The following SMKR1 variants were observed in gnomAD, a reference collection of about 807,000 sequenced individuals.
SMKR1 encodes small lysine rich protein 1.
A neutral mutation model predicts 4.0 loss-of-function variants in SMKR1; 4 were observed. The observed-to-expected ratio is 1.00, with a 90% confidence interval of 0.49 to 2.30. The LOEUF (loss-of-function observed/expected upper bound fraction) is 2.30, where lower values mean the gene tolerates loss of function less well. SMKR1 is among the 30% of genes most tolerant of loss of function. SMKR1 has a pLI of 0.02. For missense variants in SMKR1, 56 were observed against 81.8 expected (o/e 0.68, Z 1.22); for synonymous variants, 38 against 32.5 (o/e 1.17, Z -0.58).
intron 1 of SMKR1, among the ~76,000 whole-genome samples, chr7:129,511,099 C>T (rs1038713819): frequency 4.6e-5 from 7 of 152,172 alleles, no homozygotes; most frequent in African/African-American, 7.2e-5. Context: ...CGTGAGCCAC[C>T]GCGCCCAGCC....
intron 1 of SMKR1, among the ~76,000 whole-genome samples, chr7:129,509,080 C>T (rs1248458): frequency 9.2e-5 from 14 of 151,818 alleles, no homozygotes; most frequent in Admixed American, 5.3e-4. Context: ...TTTGGGAGGC[C>T]GAGGCAGGCA....
intron 1 of SMKR1, among the ~76,000 whole-genome samples, chr7:129,506,401 C>T (rs1157410033): frequency 2.0e-5 from 3 of 152,148 alleles, no homozygotes; most frequent in African/African-American, 7.2e-5. Flanking sequence ...ATGATCGTGC[C>T]ACTGTACTCC....
chr7:129,508,215 G>A (rs1799489463), intron 1 of SMKR1, among the ~76,000 whole-genome samples: 1 of 151,894 alleles, frequency 6.6e-6, no homozygotes, highest in South Asian at 2.1e-4. Context: ...TCATTTTTTT[G>A]TAAATGGATA....
intron 1 of SMKR1, among the ~76,000 whole-genome samples, chr7:129,508,644 G>A (rs1166875587): frequency 6.6e-6 from 1 of 152,076 alleles, no homozygotes; most frequent in African/African-American, 2.4e-5. Flanking sequence ...GGGTTTCACT[G>A]TAGTGGCCAG....
chr7:129,512,303 G>C lies in SMKR1; in HGVS notation c.60G>C (p.Lys20Asn). ...GQGKSHGKKQ[K>N]KPEVDILSPA... The stretch of plus-strand genomic sequence containing the variant: ...GCAAGTCTCATGGGAAGAAACAGAA[G>C]AAACCAGAAGTGGACATTCTCAGCC... The change falls in exon 2 of 2, where the codon AAG becomes AAC. Residue 20 changes from lysine to asparagine, a missense_variant. Lys to Asn is a moderately conservative substitution (Grantham distance 94, BLOSUM62 0). Coordinates refer to ENST00000462322, the MANE Select transcript of SMKR1 (RefSeq NM_001195243.2). 6.5e-7 allele frequency: 1 copy of C among 1,535,208 alleles called. No homozygotes were observed. Among genetic ancestry groups the C allele is most frequent in the East Asian group, 2.4e-5 (1 of 40,820 alleles).
intron 1 of SMKR1, among the ~76,000 whole-genome samples, chr7:129,503,407 C>A (rs1799431535): frequency 1.3e-5 from 2 of 152,364 alleles, no homozygotes; most frequent in South Asian, 4.1e-4. Flanking sequence ...AAGTACTGCA[C>A]GCTTGAGCTG....
intron 1 of SMKR1, among the ~76,000 whole-genome samples, chr7:129,503,547 C>T (rs1166032395): frequency 6.6e-6 from 1 of 152,220 alleles, no homozygotes; most frequent in African/African-American, 2.4e-5. Flanking sequence ...CTTCTGGAAG[C>T]CCCTTGCGCC....
chr7:129,510,377 A>G lies in SMKR1; in HGVS notation c.4-1870A>G, dbSNP rs185839725. Among the ~76,000 whole-genome samples, 47 of 152,282 alleles carry G rather than the reference A, an allele frequency of 3.1e-4. 1 individual carries two copies. The East Asian group carries it at 7.5e-3, about 24-fold the overall frequency. ...CTGGGTAGCCTAACTGAGCCCCTAC[A>G]TTTCCATTTTGAAGGCAGGAATAAT... On this transcript the variant is annotated intron_variant, in intron 1 of 1. Coordinates refer to ENST00000462322, the MANE Select transcript of SMKR1 (RefSeq NM_001195243.2).
chr7:129,509,548 G>GT (rs558982973), intron 1 of SMKR1, among the ~76,000 whole-genome samples: 384 of 145,154 alleles, frequency 2.6e-3, no homozygotes, highest in Middle Eastern at 3.6e-3. Context: ...TATTTCAGCA[G>GT]TTTTTTTTTT....
intron 1 of SMKR1, among the ~76,000 whole-genome samples, chr7:129,508,187 G>A (rs1799489192): frequency 6.6e-6 from 1 of 152,100 alleles, no homozygotes. Flanking sequence ...TATATATGGT[G>A]AGACTATGGG....
chr7:129,509,096 C>T (rs1384937212), intron 1 of SMKR1, among the ~76,000 whole-genome samples: 3 of 152,072 alleles, frequency 2.0e-5, no homozygotes, highest in African/African-American at 4.8e-5. Context: ...AGGCAGATCA[C>T]GAGGTCAGGA....
At position 129,502,799 on chromosome 7, in the gene SMKR1, G is replaced by T; in HGVS notation, c.-26G>T. On this transcript the variant is annotated 5_prime_UTR_variant, in exon 1 of 2. Coordinates refer to ENST00000462322, the MANE Select transcript of SMKR1 (RefSeq NM_001195243.2). ...CTTCGGGATCGGGAGAGTCCACCAC[G>T]CCTGCCTGCTCGGCTGAGAATCGCC... is the stretch of plus-strand genomic sequence containing the variant. The T allele has an allele frequency of 6.5e-7, 1 of 1,535,106 alleles. No individual in the cohort carries two copies. The highest frequency in any genetic ancestry group is 2.4e-5 in the East Asian group (1 of 40,870).
intron 1 of SMKR1, among the ~76,000 whole-genome samples, chr7:129,507,413 G>A (rs562049627): frequency 6.6e-6 from 1 of 152,204 alleles, no homozygotes; most frequent in African/African-American, 2.4e-5. Flanking sequence ...GCCTCCCAAA[G>A]TGCTGAGATG....
rs1584987619 is a variant in SMKR1 at position 129,512,597 on chromosome 7, A to C, written c.*156A>C. The C allele has an allele frequency of 1.3e-6, 1 of 784,422 alleles. No homozygotes were observed. Among genetic ancestry groups the C allele is most frequent in the South Asian group, 2.1e-5 (1 of 47,994 alleles). 48.6% of individuals were successfully genotyped at this position (784,422 alleles called of 1,614,324 possible). A position where few individuals can be genotyped will look rare whatever the true frequency, so the allele number is the denominator to read the frequency against. ...GTGATGGTGGAAGATCAGGAAATGC[A>C]CCTTACTTCCTCTGTTATGCCAGAT... is the stretch of plus-strand genomic sequence containing the variant. On this transcript the variant is annotated 3_prime_UTR_variant, in exon 2 of 2. Transcript: ENST00000462322.
chr7:129,510,300 A>G (rs1017868703), intron 1 of SMKR1, among the ~76,000 whole-genome samples: 1 of 152,256 alleles, frequency 6.6e-6, no homozygotes, highest in Admixed American at 6.5e-5. Context: ...CTTATGGGGT[A>G]GTCATGGAAA....
intron 1 of SMKR1, among the ~76,000 whole-genome samples, chr7:129,504,556 G>T (rs1017279147): frequency 2.7e-5 from 4 of 150,466 alleles, no homozygotes; most frequent in South Asian, 2.1e-4. Flanking sequence ...CTTTGTTTTT[G>T]TTTTTTTTTT....
At chr7:129,509,980 C>G (rs745532254) in intron 1 of SMKR1, among the ~76,000 whole-genome samples, 5 of 152,180 alleles carry the variant, frequency 3.3e-5, no homozygotes, top group Non-Finnish European at 7.3e-5. Flanking sequence ...ATACCTTCCT[C>G]TCCTCTCCCT....
Position 129,512,650 on chromosome 7 carries a change from G to A in SMKR1, c.*209G>A. On this transcript the variant is annotated 3_prime_UTR_variant, in exon 2 of 2. Coordinates refer to ENST00000462322, the MANE Select transcript of SMKR1 (RefSeq NM_001195243.2). ...GGTTAGCCACTTTGGTTTTTTAGGA[G>A]CTATAGGATGGGAAAAGCCTGAGTA... is the stretch of plus-strand genomic sequence containing the variant. 1 of 518,040 alleles carries A rather than the reference G, an allele frequency of 1.9e-6. No homozygotes were observed. Among genetic ancestry groups the A allele is most frequent in the South Asian group, 3.1e-5 (1 of 32,672 alleles). 32.1% of individuals were successfully genotyped at this position (518,040 alleles called of 1,614,324 possible). A position where few individuals can be genotyped will look rare whatever the true frequency, so the allele number is the denominator to read the frequency against.
intron 1 of SMKR1, among the ~76,000 whole-genome samples, chr7:129,510,349 A>G (rs983474012): frequency 6.6e-6 from 1 of 152,246 alleles, no homozygotes; most frequent in Non-Finnish European, 1.5e-5. Context: ...TGGTTTCTGC[A>G]TGCTGGGTAG....
Sources: gnomAD v4.1 joint callset for allele counts (sites outside exome capture counted in the v4.1 genomes callset) on GRCh38, gnomAD v4.1.1 for gene constraint, MANE v1.5 for transcripts, NCBI Gene and HGNC (gene_info 2026-07-23, HGNC 2026-07-21) for gene names.